The following SH3RF1 variants were observed in gnomAD, a reference collection of about 807,000 sequenced individuals.
SH3RF1 encodes the protein SH3 domain containing ring finger 1.
In SH3RF1, 32 loss-of-function variants were observed where a neutral mutation model predicts 74.0. The ratio of observed to expected loss-of-function variants is 0.43; its 90% CI spans 0.33 to 0.58. SH3RF1 has a LOEUF of 0.58. SH3RF1 is among the 20% of genes least tolerant of loss of function. The pLI is 0.05. For synonymous variants in SH3RF1, 396 were observed against 439.6 expected (o/e 0.90, Z 1.24); for missense variants, 954 against 1,130.9 (o/e 0.84, Z 2.24).
At chr4:169,131,614 C>A (rs1473224548) in intron 5 of SH3RF1, among the ~76,000 whole-genome samples, 2 of 152,152 alleles carry the variant, frequency 1.3e-5, no homozygotes, top group Non-Finnish European at 2.9e-5. Context: ...CGCTGACTTC[C>A]CAGAACTAAA....
chr4:169,171,193 C>G (rs1001516178), intron 2 of SH3RF1, among the ~76,000 whole-genome samples: 1 of 152,136 alleles, frequency 6.6e-6, no homozygotes, highest in Non-Finnish European at 1.5e-5. Context: ...CACGGTGTAA[C>G]CAATCAGGTT....
At chr4:169,266,266 C>T (rs1206074354) in intron 2 of SH3RF1, among the ~76,000 whole-genome samples, 1 of 152,222 alleles carries the variant, frequency 6.6e-6, no homozygotes, top group East Asian at 1.9e-4. Context: ...TAACCAAACA[C>T]AGAACATAAC....
chr4:169,241,330 G>A (rs183874277), intron 2 of SH3RF1, among the ~76,000 whole-genome samples: 171 of 152,304 alleles, frequency 1.1e-3, no homozygotes, highest in Non-Finnish European at 1.9e-3. Flanking sequence ...GGAAATACAT[G>A]CTAAATACTA....
At chr4:169,259,852 A>C (rs999987545) in intron 2 of SH3RF1, among the ~76,000 whole-genome samples, 3 of 152,244 alleles carry the variant, frequency 2.0e-5, no homozygotes, top group African/African-American at 7.2e-5. Flanking sequence ...TCACAAGTAC[A>C]TCTCACTATA....
chr4:169,235,031 A>T (rs990044268), intron 2 of SH3RF1, among the ~76,000 whole-genome samples: 5 of 152,168 alleles, frequency 3.3e-5, no homozygotes, highest in African/African-American at 1.2e-4. Context: ...GGGTTTTTTT[A>T]AAATCAACTT....
intron 2 of SH3RF1, among the ~76,000 whole-genome samples, chr4:169,161,155 G>T: frequency 6.6e-6 from 1 of 152,322 alleles, no homozygotes; most frequent in African/African-American, 2.4e-5. Context: ...GAAAGCCAAA[G>T]AGAAACCGAC....
chr4:169,208,598 C>A (rs1435819936), intron 2 of SH3RF1, among the ~76,000 whole-genome samples: 1 of 151,944 alleles, frequency 6.6e-6, no homozygotes, highest in Non-Finnish European at 1.5e-5. Context: ...TTAGTTATAC[C>A]AATTTCACTC....
At chr4:169,252,441 T>C (rs1731121088) in intron 2 of SH3RF1, among the ~76,000 whole-genome samples, 1 of 152,248 alleles carries the variant, frequency 6.6e-6, no homozygotes, top group South Asian at 2.1e-4. Flanking sequence ...TGAAAAGGGC[T>C]ATGAAAATTG....
intron 2 of SH3RF1, among the ~76,000 whole-genome samples, chr4:169,240,154 A>C (rs750448247): frequency 6.6e-6 from 1 of 152,176 alleles, no homozygotes; most frequent in Non-Finnish European, 1.5e-5. Context: ...AAGTCAATTA[A>C]AACTTCTCAA....
At chr4:169,121,519 G>C (rs189997030) in intron 7 of SH3RF1, among the ~76,000 whole-genome samples, 329 of 152,256 alleles carry the variant, frequency 2.2e-3, no homozygotes, top group South Asian at 6.4e-3. Flanking sequence ...GGAGAACAAA[G>C]TCCAGATCAC....
At chr4:169,157,542 G>T (rs1458291525) in intron 2 of SH3RF1, among the ~76,000 whole-genome samples, 1 of 152,116 alleles carries the variant, frequency 6.6e-6, no homozygotes, top group Non-Finnish European at 1.5e-5. Context: ...GGCATTGGGG[G>T]TGCCCAATCT....
At position 169,186,791 on chromosome 4, in the gene SH3RF1, G is replaced by A. The variant is rs529272314; in HGVS notation, c.394-30112C>T. Reference sequence around the variant, plus strand: ...GGAGGCTGAGGCAGGCGGATCACGAGGTCAGGAGATCGAGACCATCCTGGC... The same window carrying A: ...GGAGGCTGAGGCAGGCGGATCACGAAGTCAGGAGATCGAGACCATCCTGGC... On this transcript the variant is annotated intron_variant, in intron 2 of 11. Coordinates refer to ENST00000284637, the MANE Select transcript of SH3RF1 (RefSeq NM_020870.4). Among the ~76,000 whole-genome samples the A allele has an allele frequency of 6.2e-4, 93 of 150,820 alleles. 1 individual carries two copies. Among genetic ancestry groups the A allele is most frequent in the South Asian group, 3.0e-3 (14 of 4,690 alleles).
intron 6 of SH3RF1, among the ~76,000 whole-genome samples, chr4:169,125,479 A>G (rs1733510653): frequency 6.6e-6 from 1 of 152,198 alleles, no homozygotes; most frequent in African/African-American, 2.4e-5. Context: ...AGAGAGGGGA[A>G]GTAGTCCAGT....
At chr4:169,205,136 A>G (rs1378924402) in intron 2 of SH3RF1, among the ~76,000 whole-genome samples, 1 of 152,268 alleles carries the variant, frequency 6.6e-6, no homozygotes, top group Non-Finnish European at 1.5e-5. Flanking sequence ...TTTATGTTCC[A>G]GTAAATCCAG....
At chr4:169,236,811 G>T (rs1243910563) in intron 2 of SH3RF1, among the ~76,000 whole-genome samples, 1 of 152,090 alleles carries the variant, frequency 6.6e-6, no homozygotes, top group Non-Finnish European at 1.5e-5. Context: ...ATAATAAAAT[G>T]CTACATATGT....
chr4:169,175,371 G>A (rs899784402), intron 2 of SH3RF1, among the ~76,000 whole-genome samples: 4 of 151,988 alleles, frequency 2.6e-5, no homozygotes, highest in East Asian at 3.9e-4. Context: ...ATCTGGTCCC[G>A]GCTAACCTCT....
At chr4:169,136,260 G>A (rs572627180) in intron 5 of SH3RF1, 58 bp downstream of exon 5, 1 of 1,349,294 alleles carries the variant, frequency 7.4e-7, no homozygotes. Context: ...AAACATGTTT[G>A]TAAGTTGATC....
chr4:169,143,782 G>A (rs1291273301), intron 4 of SH3RF1, among the ~76,000 whole-genome samples: 1 of 152,176 alleles, frequency 6.6e-6, no homozygotes, highest in East Asian at 1.9e-4. Flanking sequence ...CATCAGTTAC[G>A]TAGCTCTTCA....
chr4:169,131,962 A>G (rs994220966), intron 5 of SH3RF1, among the ~76,000 whole-genome samples: 14 of 152,322 alleles, frequency 9.2e-5, no homozygotes, highest in Non-Finnish European at 1.8e-4. Flanking sequence ...CAAGTGTCCA[A>G]TGGGAAACCT....
Sources: gnomAD v4.1 joint callset for allele counts (sites outside exome capture counted in the v4.1 genomes callset) on GRCh38, gnomAD v4.1.1 for gene constraint, MANE v1.5 for transcripts, NCBI Gene and HGNC (gene_info 2026-07-23, HGNC 2026-07-21) for gene names.